Variants in KIAA1217 observed in about 807,000 individuals in gnomAD.
KIAA1217 encodes the protein KIAA1217.
KIAA1217 carries 88 observed loss-of-function variants against 163.9 expected under a neutral mutation model. That is an observed-to-expected ratio of 0.54 (90% CI 0.45 to 0.64). The LOEUF is 0.64. KIAA1217 is among the 30% of genes least tolerant of loss of function. The pLI is 0.00. For synonymous variants in KIAA1217, 903 were observed against 923.1 expected (o/e 0.98, Z 0.39); for missense variants, 2,372 against 2,475.0 (o/e 0.96, Z 0.88).
At chr10:24,228,172 G>A (rs907617526) in intron 2 of KIAA1217, among the ~76,000 whole-genome samples, 4 of 152,012 alleles carry the variant, frequency 2.6e-5, no homozygotes, top group African/African-American at 4.8e-5. Context: ...TGAGGTGGGA[G>A]GATCAATTGA....
intron 5 of KIAA1217, among the ~76,000 whole-genome samples, chr10:24,443,652 T>G (rs1216049212): frequency 6.6e-5 from 10 of 152,208 alleles, no homozygotes; most frequent in African/African-American, 2.2e-4. Context: ...CTTCAGATTT[T>G]GAGAAGAACA....
intron 1 of KIAA1217, among the ~76,000 whole-genome samples, chr10:23,918,733 T>TATACACAC (rs769797460): frequency 4.5e-4 from 66 of 147,582 alleles, no homozygotes; most frequent in African/African-American, 1.6e-3. Context: ...ATTAAATATA[T>TATACACAC]ACACACACAC....
At chr10:24,405,385 A>G (rs1214746830) in intron 3 of KIAA1217, among the ~76,000 whole-genome samples, 1 of 152,238 alleles carries the variant, frequency 6.6e-6, no homozygotes, top group Non-Finnish European at 1.5e-5. Flanking sequence ...AATGGTGAGA[A>G]AATAAATTAG....
chr10:24,047,909 G>A (rs1184612589), intron 2 of KIAA1217, among the ~76,000 whole-genome samples: 1 of 152,194 alleles, frequency 6.6e-6, no homozygotes, highest in Non-Finnish European at 1.5e-5. Context: ...TTGAAAAGGT[G>A]CACTCAGTGT....
At chr10:23,953,232 G>A (rs889505738) in intron 1 of KIAA1217, among the ~76,000 whole-genome samples, 2 of 152,158 alleles carry the variant, frequency 1.3e-5, no homozygotes, top group African/African-American at 4.8e-5. Flanking sequence ...ATTAGCTTAT[G>A]CTTCATGAAA....
chr10:24,493,167 C>T (rs140060195), intron 6 of KIAA1217, among the ~76,000 whole-genome samples: 13 of 152,302 alleles, frequency 8.5e-5, no homozygotes, highest in Non-Finnish European at 1.6e-4. Flanking sequence ...ACTTTTTCCA[C>T]TGACAATCAG....
chr10:24,024,800 C>A (rs12263622), intron 2 of KIAA1217, among the ~76,000 whole-genome samples: 2,887 of 151,756 alleles, frequency 0.019, 70 homozygotes, highest in African/African-American at 0.047. Context: ...TGTTGAGCAT[C>A]TTTTCATGTG....
chr10:24,072,739 T>G (rs563556627), intron 2 of KIAA1217, among the ~76,000 whole-genome samples: 2 of 152,236 alleles, frequency 1.3e-5, no homozygotes, highest in Non-Finnish European at 2.9e-5. Flanking sequence ...GAAAAGGGAA[T>G]GACATGATTA....
At chr10:23,924,909 C>T (rs1177655313) in intron 1 of KIAA1217, among the ~76,000 whole-genome samples, 1 of 151,340 alleles carries the variant, frequency 6.6e-6, no homozygotes, top group African/African-American at 2.4e-5. Context: ...TAGAAATATT[C>T]TTAAATTTTA....
chr10:23,943,889 A>T (rs942992725), intron 1 of KIAA1217, among the ~76,000 whole-genome samples: 1 of 152,220 alleles, frequency 6.6e-6, no homozygotes, highest in Non-Finnish European at 1.5e-5. Flanking sequence ...ACACAATGAA[A>T]AACTAAACTT....
At chr10:24,297,558 T>A (rs2040775146) in intron 2 of KIAA1217, among the ~76,000 whole-genome samples, 1 of 151,984 alleles carries the variant, frequency 6.6e-6, no homozygotes, top group East Asian at 1.9e-4. Context: ...GAGTTCAAGA[T>A]CATACTGGCC....
At chr10:23,965,739 C>T (rs536999077) in intron 1 of KIAA1217, among the ~76,000 whole-genome samples, 35 of 152,258 alleles carry the variant, frequency 2.3e-4, no homozygotes, top group African/African-American at 7.9e-4. Context: ...AGTGGGAATG[C>T]TGCCTTCTGT....
chr10:24,275,663 C>G (rs146060498), intron 2 of KIAA1217: 1 of 487,420 alleles, frequency 2.1e-6, no homozygotes, highest in Admixed American at 2.3e-5. Flanking sequence ...TCTCATTAAG[C>G]CTTTGCTTAA....
At chr10:24,446,686 T>C (rs1057064848) in intron 5 of KIAA1217, among the ~76,000 whole-genome samples, 1 of 152,220 alleles carries the variant, frequency 6.6e-6, no homozygotes, top group Non-Finnish European at 1.5e-5. Context: ...TAACTAACAT[T>C]CCTGACGTGC....
At chr10:23,725,264 T>G (rs1838073480) in intron 1 of KIAA1217, among the ~76,000 whole-genome samples, 1 of 152,200 alleles carries the variant, frequency 6.6e-6, no homozygotes, top group South Asian at 2.1e-4. Flanking sequence ...TGTGACTGAT[T>G]CAGAGTCTTA....
intron 6 of KIAA1217, chr10:24,481,964 C>G (rs184977498): frequency 6.6e-6 from 1 of 152,212 alleles, no homozygotes; most frequent in South Asian, 2.1e-4. Flanking sequence ...TGATGTTTTG[C>G]CAGTCTCAGA....
intron 2 of KIAA1217, among the ~76,000 whole-genome samples, chr10:24,048,447 C>G (rs1849208003): frequency 1.3e-5 from 2 of 152,156 alleles, no homozygotes; most frequent in Non-Finnish European, 2.9e-5. Flanking sequence ...AATTTTCGCC[C>G]AGGTTGGGCA....
At chr10:24,406,499 G>A (rs2057237510) in intron 3 of KIAA1217, among the ~76,000 whole-genome samples, 1 of 152,024 alleles carries the variant, frequency 6.6e-6, no homozygotes, top group Admixed American at 6.6e-5. Context: ...TTGTTGACAG[G>A]TTAAAATAAA....
intron 2 of KIAA1217, among the ~76,000 whole-genome samples, chr10:24,224,090 C>G (rs995428275): frequency 7.2e-5 from 11 of 152,190 alleles, no homozygotes; most frequent in South Asian, 4.2e-4. Context: ...CCTTAACTCC[C>G]TTCTACAGTC....
Sources: allele counts gnomAD v4.1 joint callset (sites outside exome capture counted in the v4.1 genomes callset), GRCh38; gene constraint gnomAD v4.1.1; transcripts MANE v1.5; gene names NCBI Gene and HGNC (gene_info 2026-07-23, HGNC 2026-07-21).